Variants in GPR158 observed in about 807,000 individuals in gnomAD.
GPR158 encodes G protein-coupled receptor 158.
Under a neutral mutation model 78.2 loss-of-function variants are expected in GPR158, and 30 were observed. The ratio of observed to expected loss-of-function variants is 0.38; its 90% CI spans 0.29 to 0.52. The LOEUF (loss-of-function observed/expected upper bound fraction) is 0.52, where lower values mean the gene tolerates loss of function less well. Ranked by LOEUF, GPR158 falls within the 20% of genes least tolerant of loss-of-function variation. The probability of loss-of-function intolerance (pLI) is 0.83; values close to 1 mark genes in which losing one functional copy is unlikely to be tolerated. For missense variants in GPR158, 1,463 were observed against 1,523.5 expected (o/e 0.96, Z 0.66); for synonymous variants, 581 against 591.1 (o/e 0.98, Z 0.25).
Position 25,175,821 on chromosome 10 carries a change from A to C in GPR158, c.401A>C (p.Asn134Thr), listed in dbSNP as rs756454400. Residue 134 changes from asparagine to threonine, a missense_variant, in exon 1 of 11, where the codon AAC becomes ACC. By Grantham distance (65) the Asn-to-Thr change is moderately conservative. Coordinates refer to ENST00000376351, the MANE Select transcript of GPR158 (RefSeq NM_020752.3). The surrounding 1 kb of genome is among the most constrained non-coding windows in gnomAD (Gnocchi z 6.4). ...RALDTLTHAT[N>T]FLNVMLQSNK... is the part of the protein sequence containing the mutation. The stretch of plus-strand genomic sequence containing the variant: ...CTGGACACACTGACACACGCCACCA[A>C]CTTCCTCAACGTGATGCTGCAGAGC... The C allele has an allele frequency of 3.1e-6, 5 of 1,612,954 alleles. No individual in the cohort carries two copies. In the South Asian group the frequency reaches 5.5e-5, roughly 18 times the overall value.
At chr10:25,552,713 G>A (rs149159547) in intron 6 of GPR158, among the ~76,000 whole-genome samples, 13 of 152,234 alleles carry the variant, frequency 8.5e-5, no homozygotes, top group Middle Eastern at 3.4e-3. Flanking sequence ...GCTGCTTCCC[G>A]TCATTCTCTC....
intron 6 of GPR158, among the ~76,000 whole-genome samples, chr10:25,553,805 A>G (rs552182775): frequency 6.6e-5 from 10 of 152,274 alleles, no homozygotes; most frequent in Admixed American, 2.0e-4. Context: ...GACAAATCCA[A>G]ATTGGAACTT....
intron 7 of GPR158, among the ~76,000 whole-genome samples, chr10:25,585,883 G>C (rs371267276): frequency 6.6e-6 from 1 of 152,158 alleles, no homozygotes; most frequent in Admixed American, 6.5e-5. Flanking sequence ...GATGGCTGAG[G>C]CACAGGAATC....
At chr10:25,315,254 A>G (rs1564419664) in intron 2 of GPR158, among the ~76,000 whole-genome samples, 1 of 152,028 alleles carries the variant, frequency 6.6e-6, no homozygotes. Context: ...CTCTTCTTGC[A>G]TATCTTGTCA....
intron 2 of GPR158, among the ~76,000 whole-genome samples, chr10:25,374,723 C>A (rs148829768): frequency 1.2e-4 from 18 of 151,830 alleles, no homozygotes; most frequent in African/African-American, 4.3e-4. Context: ...TTGTGTGTAT[C>A]AATCGTGTGT....
chr10:25,454,976 T>C (rs1242724256), intron 4 of GPR158, among the ~76,000 whole-genome samples: 1 of 152,164 alleles, frequency 6.6e-6, no homozygotes, highest in Non-Finnish European at 1.5e-5. Context: ...CAACAAAATT[T>C]TGGGAGTTCT....
chr10:25,498,084 C>A (rs1435358494), intron 5 of GPR158, among the ~76,000 whole-genome samples: 1 of 152,128 alleles, frequency 6.6e-6, no homozygotes, highest in Non-Finnish European at 1.5e-5. Context: ...TTGACCTTTG[C>A]TTAATGTATA....
rs1564382977 is a variant in GPR158, at chr10:25,176,038, G to C, written c.618G>C (p.Leu206=). 1 of 1,610,194 alleles carries C rather than the reference G, an allele frequency of 6.2e-7. No homozygotes were observed. Among genetic ancestry groups the C allele is most frequent in the Admixed American group, 1.7e-5 (1 of 59,504 alleles). The change falls in exon 1 of 11, where the codon CTG becomes CTC. Residue 206 remains leucine, a synonymous_variant. Transcript: ENST00000376351. This position sits in a 1 kb window ranked among gnomAD's most constrained non-coding sequence, Gnocchi z 6.3. ...REESRILLQD[L]SSSAPHLANA... ...AGAGCCGCATCCTGCTCCAAGACCT[G>C]TCCTCCTCCGCACCCCACCTGGCCA...
At chr10:25,379,468 A>G (rs1214857426) in intron 2 of GPR158, among the ~76,000 whole-genome samples, 1 of 152,130 alleles carries the variant, frequency 6.6e-6, no homozygotes, top group African/African-American at 2.4e-5. Flanking sequence ...AGAGGCTGTC[A>G]TTGAGAAAGC....
At chr10:25,517,610 T>G (rs1836198494) in intron 5 of GPR158, among the ~76,000 whole-genome samples, 1 of 152,168 alleles carries the variant, frequency 6.6e-6, no homozygotes, top group Non-Finnish European at 1.5e-5. Flanking sequence ...AAAGGCCTTT[T>G]CTGCATCTAT....
At chr10:25,424,146 T>G in intron 4 of GPR158, among the ~76,000 whole-genome samples, 1 of 152,220 alleles carries the variant, frequency 6.6e-6, no homozygotes, top group Non-Finnish European at 1.5e-5. Flanking sequence ...TGATGAGCAT[T>G]TTTTCATGTG....
chr10:25,570,233 G>A (rs1360192824), intron 6 of GPR158, among the ~76,000 whole-genome samples: 2 of 152,110 alleles, frequency 1.3e-5, no homozygotes, highest in Admixed American at 1.3e-4. Flanking sequence ...TAATTACAAT[G>A]GAAACCTTCT....
intron 4 of GPR158, among the ~76,000 whole-genome samples, chr10:25,447,168 A>G (rs1216323645): frequency 6.6e-6 from 1 of 152,222 alleles, no homozygotes; most frequent in Non-Finnish European, 1.5e-5. Flanking sequence ...CAATAGATTT[A>G]TAGATAATAT....
At chr10:25,581,325 A>G (rs1325945746) in intron 7 of GPR158, among the ~76,000 whole-genome samples, 1 of 152,142 alleles carries the variant, frequency 6.6e-6, no homozygotes, top group Non-Finnish European at 1.5e-5. Context: ...CTCCCAAGCT[A>G]CTGGGATTAC....
intron 2 of GPR158, among the ~76,000 whole-genome samples, chr10:25,384,094 TTTA>T (rs545768918): frequency 0.011 from 1,729 of 152,322 alleles, 6 homozygotes; most frequent in Non-Finnish European, 0.016. Flanking sequence ...TACTTTATTA[TTTA>T]TTATCTCATA....
chr10:25,478,125 C>T (rs1380280265), intron 5 of GPR158, among the ~76,000 whole-genome samples: 1 of 152,122 alleles, frequency 6.6e-6, no homozygotes, highest in South Asian at 2.1e-4. Flanking sequence ...AAGAGCCTTA[C>T]TCCAATCAGT....
At chr10:25,492,367 C>G (rs903496235) in intron 5 of GPR158, among the ~76,000 whole-genome samples, 5 of 152,130 alleles carry the variant, frequency 3.3e-5, no homozygotes, top group African/African-American at 1.2e-4. Context: ...TACAGACTTT[C>G]CCCCACCATC....
chr10:25,180,046 T>C (rs1325587871), intron 1 of GPR158, among the ~76,000 whole-genome samples: 1 of 152,136 alleles, frequency 6.6e-6, no homozygotes, highest in Non-Finnish European at 1.5e-5. Context: ...TACTTAAGGG[T>C]TTGTTGAATT....
intron 3 of GPR158, among the ~76,000 whole-genome samples, chr10:25,406,048 C>T (rs1009896936): frequency 2.0e-5 from 3 of 152,028 alleles, no homozygotes; most frequent in Non-Finnish European, 4.4e-5. Flanking sequence ...TCATGCCCTG[C>T]ATCACATACT....
Sources: gnomAD v4.1 joint callset for allele counts (sites outside exome capture counted in the v4.1 genomes callset) on GRCh38, gnomAD v4.1.1 for gene constraint, Gnocchi (gnomAD v3.1) non-coding constraint, MANE v1.5 for transcripts, NCBI Gene and HGNC (gene_info 2026-07-23, HGNC 2026-07-21) for gene names.